Variants in ZFR2 observed in about 807,000 individuals in gnomAD.
ZFR2 encodes zinc finger RNA-binding protein 2.
A neutral mutation model predicts 105.7 loss-of-function variants in ZFR2; 104 were observed. The observed-to-expected ratio is 0.98, with a 90% confidence interval of 0.84 to 1.16. The LOEUF (loss-of-function observed/expected upper bound fraction) is 1.16, where lower values mean the gene tolerates loss of function less well. ZFR2 is among the 50% of genes most tolerant of loss of function. ZFR2 has a pLI of 0.00. For synonymous variants in ZFR2, 634 were observed against 597.7 expected (o/e 1.06, Z -0.89); for missense variants, 1,425 against 1,355.5 (o/e 1.05, Z -0.80).
At chr19:3,816,610 G>C in intron 13 of ZFR2, 64 bp downstream of exon 13, 1 of 1,549,050 alleles carries the variant, frequency 6.5e-7, no homozygotes, top group African/African-American at 1.4e-5. Context: ...GAGCGCAAGG[G>C]GCTGCGGGGA....
At chr19:3,854,997 C>T (rs2038281642) in intron 1 of ZFR2, among the ~76,000 whole-genome samples, 1 of 152,172 alleles carries the variant, frequency 6.6e-6, no homozygotes, top group African/African-American at 2.4e-5. Flanking sequence ...TGGCCTCAAG[C>T]AATCTTCCTG....
intron 1 of ZFR2, among the ~76,000 whole-genome samples, chr19:3,845,304 A>G (rs565282077): frequency 6.6e-6 from 1 of 151,478 alleles, no homozygotes; most frequent in Non-Finnish European, 1.5e-5. Flanking sequence ...CCCTGTCTCT[A>G]CAAAATTTTT....
chr19:3,851,261 G>A (rs1023986406), intron 1 of ZFR2, among the ~76,000 whole-genome samples: 7 of 152,052 alleles, frequency 4.6e-5, no homozygotes, highest in South Asian at 2.1e-4. Flanking sequence ...TCATGTCACC[G>A]GCAGGAAAGC....
intron 1 of ZFR2, chr19:3,852,084 C>G: frequency 3.5e-6 from 1 of 286,262 alleles, no homozygotes; most frequent in Non-Finnish European, 6.7e-6. Context: ...GGTGCCTCTT[C>G]TGGCCAAGGC....
rs2037689138 is a variant in ZFR2 at position 3,805,806 on chromosome 19, G to A, written c.*143C>T. 4 of 985,048 alleles carry A rather than the reference G, an allele frequency of 4.1e-6. No homozygotes were observed. The highest frequency in any genetic ancestry group is 4.2e-6 in the Non-Finnish European group (3 of 715,032). 61.0% of individuals were successfully genotyped at this position (985,048 alleles called of 1,614,324 possible). On this transcript the variant is annotated 3_prime_UTR_variant, in exon 19 of 19. Transcript: ENST00000262961. The stretch of plus-strand genomic sequence containing the variant: ...GCCACAGTGCCCGGTCTGAAGCACA[G>A]GTGTTTTAAAGGAAACCTACAGAGC...
Position 3,820,981 on chromosome 19 carries a change from GGGGGACACAGGGACACTAGAGGTC to G in ZFR2, c.1631+335_1631+358del, listed in dbSNP as rs1395677210. On this transcript the variant is annotated intron_variant, in intron 10 of 18. Transcript: ENST00000262961. The stretch of plus-strand genomic sequence containing the variant: ...GGTGGACACAGGGACACTAGAGGTC[GGGGGACACAGGGACACTAGAGGTC>G]GGGGACACAGGGACACCGGGGGTCG... Among the ~76,000 whole-genome samples the G allele has an allele frequency of 1.4e-4, 14 of 100,898 alleles. 1 individual carries two copies. Among genetic ancestry groups the G allele is most frequent in the Admixed American group, 2.0e-4 (2 of 10,256 alleles). The allele number at this position is 100,898 out of a possible 152,430, so 66.2% of individuals were successfully genotyped here.
At position 3,823,207 on chromosome 19, in the gene ZFR2, C is replaced by T; in HGVS notation, c.1371+39G>A. ...AAGCCTGATCCATGGGAAGGTCCTT[C>T]CCTGACCGGGGCACCAGGACTTGAC... On this transcript the variant is annotated intron_variant, in intron 8 of 18. Coordinates refer to ENST00000262961, the MANE Select transcript of ZFR2 (RefSeq NM_015174.2). This position sits in a 1 kb window ranked among gnomAD's most constrained non-coding sequence, Gnocchi z 5.4. 2 of 1,613,384 alleles carry T rather than the reference C, an allele frequency of 1.2e-6. No homozygotes were observed. Among genetic ancestry groups the T allele is most frequent in the South Asian group, 1.1e-5 (1 of 91,056 alleles).
rs869069657 is a variant in ZFR2, at chr19:3,817,762, GA to G, written c.1932-918del. Among the ~76,000 whole-genome samples, 387 of 61,884 alleles carry G rather than the reference GA, an allele frequency of 6.3e-3. 4 individuals are homozygous for G. The highest frequency in any genetic ancestry group is 0.02 in the African/African-American group (326 of 16,068). The allele number at this position is 61,884 out of a possible 152,430, so 40.6% of individuals were successfully genotyped here. A position where few individuals can be genotyped will look rare whatever the true frequency, so the allele number is the denominator to read the frequency against. Reference sequence around the variant, plus strand: ...CAGAGCAAGACTCAGTCTCAAAAAAGAAAAAAAAAAAAAAAAAAGGAGAGGG... The same window carrying G: ...CAGAGCAAGACTCAGTCTCAAAAAAGAAAAAAAAAAAAAAAAAGGAGAGGG... On this transcript the variant is annotated intron_variant, in intron 12 of 18. Coordinates refer to ENST00000262961, the MANE Select transcript of ZFR2 (RefSeq NM_015174.2).
At chr19:3,807,730 G>A (rs1193836932) in intron 17 of ZFR2, among the ~76,000 whole-genome samples, 1 of 111,694 alleles carries the variant, frequency 9.0e-6, no homozygotes, top group Non-Finnish European at 1.8e-5. Context: ...GTGCCCGTGT[G>A]TGTGTGCATG....
At chr19:3,833,362 G>A (rs926431310) in intron 3 of ZFR2, among the ~76,000 whole-genome samples, 1 of 152,120 alleles carries the variant, frequency 6.6e-6, no homozygotes, top group African/African-American at 2.4e-5. Flanking sequence ...GGATCACGAG[G>A]TCAGGAGATG....
At chr19:3,820,424 C>G in intron 10 of ZFR2, 134 bp from the exon 11 acceptor site, 2 of 826,714 alleles carry the variant, frequency 2.4e-6, no homozygotes, top group Non-Finnish European at 3.7e-6. Flanking sequence ...CTCCACTGCA[C>G]TGCATGGGTG....
chr19:3,827,339 T>C (rs1220633690), intron 6 of ZFR2, 132 bp downstream of exon 6: 5 of 1,137,746 alleles, frequency 4.4e-6, no homozygotes, highest in Admixed American at 3.7e-5. Context: ...CGGCTGGCCC[T>C]TGGGGCGCGC....
At chr19:3,849,340 A>G (rs1187843515) in intron 1 of ZFR2, among the ~76,000 whole-genome samples, 2 of 152,248 alleles carry the variant, frequency 1.3e-5, no homozygotes, top group African/African-American at 2.4e-5. Context: ...CTAAGAGGAC[A>G]GTGGAGGCGG....
intron 1 of ZFR2, among the ~76,000 whole-genome samples, chr19:3,850,168 T>G (rs1231999295): frequency 1.3e-5 from 2 of 151,966 alleles, no homozygotes; most frequent in South Asian, 2.1e-4. Context: ...AGGAGGGGCA[T>G]GCCAACTGCT....
chr19:3,867,143 G>T (rs986339771), intron 1 of ZFR2, among the ~76,000 whole-genome samples: 1 of 151,664 alleles, frequency 6.6e-6, no homozygotes, highest in African/African-American at 2.4e-5. Flanking sequence ...GAACACCGCG[G>T]GGGGCAAAGA....
chr19:3,817,965 C>A (rs1276941206), intron 12 of ZFR2, among the ~76,000 whole-genome samples: 1 of 152,074 alleles, frequency 6.6e-6, no homozygotes, highest in Non-Finnish European at 1.5e-5. Flanking sequence ...CCAGCACAGG[C>A]CAATCCACAG....
chr19:3,825,328 G>T lies in ZFR2; in HGVS notation c.1115C>A (p.Ala372Glu). 6.3e-7 allele frequency: 1 copy of T among 1,587,226 alleles called. No homozygotes were observed. The stretch of plus-strand genomic sequence containing the variant: ...AGTGGGGGACGTGGGCTTGGCCTCT[G>T]CCCCGGGGGGGCTCTCTGTGGCCAG... Reference protein sequence around the residue: ...PALATESPPGAEAKPTSPTGP... With the variant: ...PALATESPPGEEAKPTSPTGP... The change falls in exon 7 of 19, where the codon GCA becomes GAA. Residue 372 changes from alanine to glutamate, a missense_variant. By Grantham distance (107) the Ala-to-Glu change is moderately radical. Coordinates refer to ENST00000262961, the MANE Select transcript of ZFR2 (RefSeq NM_015174.2).
intron 1 of ZFR2, among the ~76,000 whole-genome samples, chr19:3,846,109 T>G (rs2038182219): frequency 6.6e-6 from 1 of 152,230 alleles, no homozygotes; most frequent in South Asian, 2.1e-4. Context: ...CCCAAGTAGC[T>G]GGGACTAAAG....
At chr19:3,808,229 G>A (rs1231265123) in intron 17 of ZFR2, among the ~76,000 whole-genome samples, 1 of 148,882 alleles carries the variant, frequency 6.7e-6, no homozygotes, top group Non-Finnish European at 1.5e-5. Flanking sequence ...GCGAGTGCGT[G>A]CGTGTGCCCG....
Sources: allele counts gnomAD v4.1 joint callset (sites outside exome capture counted in the v4.1 genomes callset), GRCh38; gene constraint gnomAD v4.1.1; non-coding constraint Gnocchi (gnomAD v3.1); transcripts MANE v1.5; gene names NCBI Gene and HGNC (gene_info 2026-07-23, HGNC 2026-07-21).